The following DLG1 variants were observed in gnomAD, a reference collection of about 807,000 sequenced individuals.
The protein encoded by DLG1 is disks large homolog 1.
Under a neutral mutation model 123.4 loss-of-function variants are expected in DLG1, and 42 were observed. The ratio of observed to expected loss-of-function variants is 0.34; its 90% CI spans 0.27 to 0.44. DLG1 has a LOEUF of 0.44. Ranked by LOEUF, DLG1 falls within the 20% of genes least tolerant of loss-of-function variation. DLG1 has a pLI of 1.00. For synonymous variants in DLG1, 317 were observed against 356.2 expected (o/e 0.89, Z 1.24); for missense variants, 942 against 1,082.6 (o/e 0.87, Z 1.82).
rs531722324 is a variant in DLG1, at chr3:197,163,334, T to C, written c.484-13538A>G. On this transcript the variant is annotated intron_variant, in intron 5 of 24. Transcript: ENST00000667157. ...AACCAACCATAGAATCAGCATCTGA[T>C]CTAGCAATTGGGTAGGTAAATATGC... 9.3e-4 allele frequency among the ~76,000 whole-genome samples: 142 copies of C among 152,274 alleles called. 1 individual carries two copies. Among genetic ancestry groups the C allele is most frequent in the Admixed American group, 1.2e-3 (19 of 15,284 alleles).
chr3:197,078,930 CAGT>C (rs1341049286), intron 17 of DLG1, among the ~76,000 whole-genome samples: 2 of 152,006 alleles, frequency 1.3e-5, no homozygotes, highest in Non-Finnish European at 2.9e-5. Context: ...ATTATCTTTG[CAGT>C]TAGCCAAAAT....
chr3:197,153,149 A>G (rs1794778482), intron 5 of DLG1, among the ~76,000 whole-genome samples: 1 of 152,208 alleles, frequency 6.6e-6, no homozygotes, highest in African/African-American at 2.4e-5. Context: ...AATTCTTCTT[A>G]GATCCTAATT....
At chr3:197,209,441 A>G (rs1730227105) in intron 4 of DLG1, among the ~76,000 whole-genome samples, 1 of 146,770 alleles carries the variant, frequency 6.8e-6, no homozygotes, top group Non-Finnish European at 1.5e-5. Context: ...CAATTTTAGT[A>G]AGAGATTTAA....
At chr3:197,131,584 CTTTTTTTTTT>C (rs773487577) in intron 10 of DLG1, among the ~76,000 whole-genome samples, 28 of 65,772 alleles carry the variant, frequency 4.3e-4, no homozygotes, top group African/African-American at 1.2e-3. Flanking sequence ...TTCTTCCTTT[CTTTTTTTTTT>C]TTTTTTTTTT....
At chr3:197,185,945 G>A (rs2150178280) in intron 5 of DLG1, among the ~76,000 whole-genome samples, 1 of 152,286 alleles carries the variant, frequency 6.6e-6, no homozygotes, top group South Asian at 2.1e-4. Flanking sequence ...TTACCCTACA[G>A]AGCCAAAGAA....
intron 5 of DLG1, among the ~76,000 whole-genome samples, chr3:197,181,537 T>A (rs1377126892): frequency 6.6e-6 from 1 of 152,160 alleles, no homozygotes; most frequent in Non-Finnish European, 1.5e-5. Flanking sequence ...AAAAAAGTAT[T>A]CTAGTATCAA....
chr3:197,087,332 CT>C (rs776665116), intron 15 of DLG1, among the ~76,000 whole-genome samples: 384 of 138,964 alleles, frequency 2.8e-3, no homozygotes, highest in Non-Finnish European at 3.0e-3. Context: ...TTTTTGCAGC[CT>C]TTTTTTTTTT....
At chr3:197,110,015 G>A (rs1211438169) in intron 13 of DLG1, among the ~76,000 whole-genome samples, 1 of 152,026 alleles carries the variant, frequency 6.6e-6, no homozygotes. Flanking sequence ...TGAGGTTCTT[G>A]GATTAATGGT....
intron 11 of DLG1, among the ~76,000 whole-genome samples, chr3:197,122,149 G>C (rs1776758276): frequency 6.6e-6 from 1 of 151,812 alleles, no homozygotes. Flanking sequence ...TAAGGATGTG[G>C]GTTTTTTCCC....
intron 6 of DLG1, among the ~76,000 whole-genome samples, chr3:197,144,529 C>A (rs975195839): frequency 6.6e-6 from 1 of 152,140 alleles, no homozygotes; most frequent in Non-Finnish European, 1.5e-5. Flanking sequence ...TTCTTTTAAG[C>A]CCCTAAGCTT....
intron 5 of DLG1, among the ~76,000 whole-genome samples, chr3:197,159,024 G>C (rs898913713): frequency 6.6e-6 from 1 of 152,114 alleles, no homozygotes; most frequent in Non-Finnish European, 1.5e-5. Flanking sequence ...CCAGTAAGAA[G>C]AACTAGTAAC....
intron 1 of DLG1, chr3:197,297,811 G>T (rs1357703943): frequency 2.0e-6 from 2 of 985,198 alleles, no homozygotes; most frequent in African/African-American, 3.5e-5. Context: ...AAGTTCCGGT[G>T]AGCGGCGTGC....
intron 4 of DLG1, among the ~76,000 whole-genome samples, chr3:197,239,495 A>G (rs1478901689): frequency 6.6e-6 from 1 of 152,174 alleles, no homozygotes; most frequent in African/African-American, 2.4e-5. Flanking sequence ...CAGCGCTACC[A>G]AATACCAAGG....
intron 17 of DLG1, 21 bp downstream of exon 17, chr3:197,081,030 G>A (rs781218554): frequency 5.6e-6 from 9 of 1,601,734 alleles, no homozygotes; most frequent in Non-Finnish European, 7.7e-6. Context: ...TTACAAAAAT[G>A]TAGAGATTTC....
chr3:197,196,498 C>A (rs949567763), intron 4 of DLG1, among the ~76,000 whole-genome samples: 2 of 152,184 alleles, frequency 1.3e-5, no homozygotes, highest in African/African-American at 4.8e-5. Flanking sequence ...TCTAAGTACT[C>A]TCAGGAGTAG....
chr3:197,160,180 T>A (rs1411838719), intron 5 of DLG1, among the ~76,000 whole-genome samples: 1 of 152,116 alleles, frequency 6.6e-6, no homozygotes, highest in East Asian at 1.9e-4. Context: ...TCAACAATTT[T>A]CAAATGCAGT....
At chr3:197,161,766 G>A in intron 5 of DLG1, 1 of 1,378,600 alleles carries the variant, frequency 7.3e-7, no homozygotes, top group South Asian at 1.3e-5. Context: ...CAAAAAATCA[G>A]GAAAAACACC....
chr3:197,147,432 G>GCGCACACA (rs967982862), intron 6 of DLG1, among the ~76,000 whole-genome samples: 20 of 147,086 alleles, frequency 1.4e-4, no homozygotes, highest in African/African-American at 4.3e-4. Flanking sequence ...TATATGGTGT[G>GCGCACACA]CACACACACA....
At chr3:197,100,871 A>G (rs1293621929) in intron 14 of DLG1, among the ~76,000 whole-genome samples, 1 of 152,186 alleles carries the variant, frequency 6.6e-6, no homozygotes, top group Non-Finnish European at 1.5e-5. Flanking sequence ...AAGACCAGTC[A>G]TACCAGTTTA....
Sources: gnomAD v4.1 joint callset for allele counts (sites outside exome capture counted in the v4.1 genomes callset) on GRCh38, gnomAD v4.1.1 for gene constraint, MANE v1.5 for transcripts, NCBI Gene and HGNC (gene_info 2026-07-23, HGNC 2026-07-21) for gene names.